The following ABTB3 variants were observed in gnomAD, a reference collection of about 807,000 sequenced individuals.
The protein encoded by ABTB3 is ankyrin repeat and BTB domain containing 3.
the ABTB3 span, among the ~76,000 whole-genome samples, chr12:107,480,534 C>T: frequency 6.6e-6 from 1 of 152,178 alleles, no homozygotes; most frequent in Non-Finnish European, 1.5e-5. Context: ...AGAGCCCAAA[C>T]TCTAGTCAGA....
chr12:107,343,488 G>A, the ABTB3 span, among the ~76,000 whole-genome samples: 1 of 152,216 alleles, frequency 6.6e-6, no homozygotes, highest in Non-Finnish European at 1.5e-5. Flanking sequence ...TGATTTGAAA[G>A]TATTGGCCAA....
At chr12:107,538,986 C>G in the ABTB3 span, among the ~76,000 whole-genome samples, 1 of 152,216 alleles carries the variant, frequency 6.6e-6, no homozygotes, top group Non-Finnish European at 1.5e-5. Context: ...ACAAAGAACA[C>G]AAGCCCACAT....
chr12:107,374,112 C>T, the ABTB3 span, among the ~76,000 whole-genome samples: 1 of 152,144 alleles, frequency 6.6e-6, no homozygotes, highest in Non-Finnish European at 1.5e-5. Flanking sequence ...GGGAAGGGGG[C>T]TGGGGGCAGC....
At chr12:107,505,143 C>A in the ABTB3 span, among the ~76,000 whole-genome samples, 2 of 152,240 alleles carry the variant, frequency 1.3e-5, no homozygotes, top group East Asian at 3.9e-4. Context: ...TACCTCCATT[C>A]ACCCCTAACT....
the ABTB3 span, among the ~76,000 whole-genome samples, chr12:107,477,815 C>T: frequency 2.0e-5 from 3 of 152,060 alleles, no homozygotes; most frequent in Non-Finnish European, 4.4e-5. Context: ...AAATGATAGA[C>T]CATTCTATAT....
chr12:107,388,981 T>C, the ABTB3 span, among the ~76,000 whole-genome samples: 156 of 152,362 alleles, frequency 1.0e-3, no homozygotes, highest in African/African-American at 3.6e-3. Context: ...GCATCAAGTT[T>C]ACATTTTTCC....
At chr12:107,450,191 T>C in the ABTB3 span, among the ~76,000 whole-genome samples, 37 of 152,052 alleles carry the variant, frequency 2.4e-4, no homozygotes, top group Non-Finnish European at 5.9e-5. Context: ...TTTTTCTCCC[T>C]TTTTTAAAAA....
chr12:107,355,602 C>A, the ABTB3 span, among the ~76,000 whole-genome samples: 2 of 152,128 alleles, frequency 1.3e-5, no homozygotes, highest in Non-Finnish European at 2.9e-5. Flanking sequence ...CTATTACAGG[C>A]TCAGGGAGAA....
the ABTB3 span, among the ~76,000 whole-genome samples, chr12:107,502,732 A>G: frequency 6.6e-6 from 1 of 151,968 alleles, no homozygotes; most frequent in African/African-American, 2.4e-5. Flanking sequence ...TTAGATTCTC[A>G]TAGGGGTACA....
At chr12:107,337,148 G>A in the ABTB3 span, among the ~76,000 whole-genome samples, 2 of 152,274 alleles carry the variant, frequency 1.3e-5, no homozygotes, top group Non-Finnish European at 1.5e-5. Flanking sequence ...AGAGCTGAGA[G>A]AAGCTTCACA....
At chr12:107,421,981 A>T in the ABTB3 span, among the ~76,000 whole-genome samples, 1 of 152,258 alleles carries the variant, frequency 6.6e-6, no homozygotes, top group Non-Finnish European at 1.5e-5. Context: ...GAGGGAACTT[A>T]TACTCTAGTG....
the ABTB3 span, among the ~76,000 whole-genome samples, chr12:107,525,121 T>C: frequency 5.3e-5 from 8 of 151,048 alleles, no homozygotes; most frequent in African/African-American, 1.9e-4. Context: ...AGCCCAGGAG[T>C]TGAGACCATC....
chr12:107,574,507 G>T, the ABTB3 span, among the ~76,000 whole-genome samples: 3 of 152,196 alleles, frequency 2.0e-5, no homozygotes, highest in Non-Finnish European at 4.4e-5. Flanking sequence ...TGGATGACCT[G>T]AGGTCAGGAG....
chr12:107,508,434 ATTTCTTTTTTTTT>A, the ABTB3 span, among the ~76,000 whole-genome samples: 6 of 58,714 alleles, frequency 1.0e-4, no homozygotes, highest in Non-Finnish European at 1.9e-4. Flanking sequence ...CTCAAAGATC[ATTTCTTTTTTTTT>A]TTTTTTTTTT....
At chr12:107,380,041 C>A in the ABTB3 span, among the ~76,000 whole-genome samples, 5 of 152,184 alleles carry the variant, frequency 3.3e-5, no homozygotes, top group African/African-American at 1.2e-4. Context: ...GCAGCCCTGG[C>A]ATTGCGCGAT....
chr12:107,346,542 C>A, the ABTB3 span, among the ~76,000 whole-genome samples: 2 of 152,144 alleles, frequency 1.3e-5, no homozygotes, highest in Non-Finnish European at 2.9e-5. Flanking sequence ...TTACTGCAAC[C>A]TCTGCCTCCC....
At chr12:107,627,733 T>C in the ABTB3 span, among the ~76,000 whole-genome samples, 636 of 152,322 alleles carry the variant, frequency 4.2e-3, 2 homozygotes, top group African/African-American at 0.015. Flanking sequence ...TTGGAAATCA[T>C]CTAGCCCAGT....
the ABTB3 span, among the ~76,000 whole-genome samples, chr12:107,609,256 A>G: frequency 6.6e-6 from 1 of 152,258 alleles, no homozygotes; most frequent in South Asian, 2.1e-4. Flanking sequence ...TTCAGCACCT[A>G]GAAGAGAGCT....
the ABTB3 span, among the ~76,000 whole-genome samples, chr12:107,654,836 A>ACACACACG: frequency 1.4e-5 from 2 of 148,124 alleles, no homozygotes; most frequent in Admixed American, 6.7e-5. Context: ...ACACACACAC[A>ACACACACG]CACACACACA....
Sources: gnomAD v4.1 joint callset for allele counts (sites outside exome capture counted in the v4.1 genomes callset) on GRCh38, gnomAD v4.1.1 for gene constraint, MANE v1.5 for transcripts, NCBI Gene and HGNC (gene_info 2026-07-23, HGNC 2026-07-21) for gene names.